The following NUP210L variants were observed in gnomAD, a reference collection of about 807,000 sequenced individuals.
NUP210L encodes nuclear pore membrane glycoprotein 210-like.
A neutral mutation model predicts 208.5 loss-of-function variants in NUP210L; 74 were observed. That is an observed-to-expected ratio of 0.35 (90% CI 0.29 to 0.43). The LOEUF is 0.43. Among genes scored for constraint, NUP210L ranks in the 20% least tolerant of loss-of-function variants. The probability of loss-of-function intolerance (pLI) is 1.00; values close to 1 mark genes in which losing one functional copy is unlikely to be tolerated. For missense variants in NUP210L, 1,843 were observed against 2,289.4 expected, an observed-to-expected ratio of 0.81 and a Z score of 3.98; for synonymous variants, 780 against 816.9, an observed-to-expected ratio of 0.95 and a Z score of 0.77.
chr1:154,131,424 T>C (rs1658248271), intron 7 of NUP210L, among the ~76,000 whole-genome samples: 1 of 152,184 alleles, frequency 6.6e-6, no homozygotes, highest in Non-Finnish European at 1.5e-5. Flanking sequence ...ATCTAAGCCT[T>C]CCATCTGCAT....
chr1:153,994,324 T>C (rs907623883), intron 38 of NUP210L, among the ~76,000 whole-genome samples: 1 of 151,222 alleles, frequency 6.6e-6, no homozygotes, highest in Non-Finnish European at 1.5e-5. Flanking sequence ...TTGAGGACCT[T>C]TTTTTTTTGA....
rs1652459556 is a variant in NUP210L, at chr1:154,035,093, G to T, written c.3697-5039C>A. Among the ~76,000 whole-genome samples, 5 of 152,178 alleles carry T rather than the reference G, an allele frequency of 3.3e-5. No homozygotes were observed. The South Asian group carries it at 1.0e-3, about 32-fold the overall frequency. ...CTGACCTTGTGATCTACCTGCCTCG[G>T]CCTCCCAAAGTGCTGGGATTACAGG... On this transcript the variant is annotated intron_variant, in intron 27 of 39. Coordinates refer to ENST00000368559, the Ensembl canonical transcript of NUP210L.
chr1:154,051,250 C>T (rs916016630), intron 25 of NUP210L, among the ~76,000 whole-genome samples: 2 of 152,038 alleles, frequency 1.3e-5, no homozygotes, highest in Non-Finnish European at 2.9e-5. Flanking sequence ...TGCTCTGTTG[C>T]CCAGGCTGGA....
intron 25 of NUP210L, among the ~76,000 whole-genome samples, chr1:154,047,519 A>G (rs1653251326): frequency 6.6e-6 from 1 of 152,244 alleles, no homozygotes. Context: ...TGGCCCACTC[A>G]GGGTGGAAAA....
At chr1:154,006,580 G>A (rs1457988004) in intron 35 of NUP210L, among the ~76,000 whole-genome samples, 1 of 150,548 alleles carries the variant, frequency 6.6e-6, no homozygotes, top group Non-Finnish European at 1.5e-5. Context: ...TGCAACCTCC[G>A]CCTCCTGGGT....
At chr1:154,092,550 GT>G (rs760240667) in intron 15 of NUP210L, among the ~76,000 whole-genome samples, 33,921 of 128,314 alleles carry the variant, frequency 0.26, 4,187 homozygotes, top group Admixed American at 0.36. Context: ...TTTGTTTTTT[GT>G]TTTTTTTTTT....
intron 13 of NUP210L, among the ~76,000 whole-genome samples, chr1:154,103,671 CAA>C (rs553564283): frequency 2.6e-5 from 1 of 37,790 alleles, no homozygotes; most frequent in Admixed American, 2.7e-4. Context: ...GACTCCGTCT[CAA>C]AAAAAAAAAA....
intron 37 of NUP210L, 54 bp downstream of exon 37, chr1:154,000,802 A>G: frequency 8.0e-6 from 12 of 1,492,102 alleles, no homozygotes; most frequent in Admixed American, 1.7e-5. Flanking sequence ...CTAATGTAAT[A>G]CATTCTTTCT....
At chr1:154,062,318 G>A (rs1654181606) in intron 17 of NUP210L, among the ~76,000 whole-genome samples, 1 of 152,142 alleles carries the variant, frequency 6.6e-6, no homozygotes, top group South Asian at 2.1e-4. Flanking sequence ...ACAAATGGAA[G>A]TGAGAAAGGG....
chr1:154,048,821 G>A (rs1653325885), intron 25 of NUP210L, among the ~76,000 whole-genome samples: 1 of 152,166 alleles, frequency 6.6e-6, no homozygotes, highest in Non-Finnish European at 1.5e-5. Flanking sequence ...GTACATACAG[G>A]AGTCCTTGAT....
chr1:154,139,501 T>A (rs1658720693), intron 5 of NUP210L, among the ~76,000 whole-genome samples: 1 of 152,046 alleles, frequency 6.6e-6, no homozygotes, highest in South Asian at 2.1e-4. Flanking sequence ...CATAAAAAAC[T>A]ATATTTTCCA....
intron 15 of NUP210L, 124 bp from the exon 16 acceptor site, chr1:154,089,718 G>T (rs1245254125): frequency 1.1e-5 from 8 of 733,256 alleles, no homozygotes; most frequent in Non-Finnish European, 1.4e-5. Context: ...TTATAATCCG[G>T]CAAATCCCTT....
chr1:154,142,612 C>G lies in NUP210L; in HGVS notation c.472+834G>C, dbSNP rs563110777. On this transcript the variant is annotated intron_variant, in intron 3 of 39. Transcript: ENST00000368559. ...TGGGTATCTAAGAAAAGTTCGGAGGCCAGTGCGGTGGCTCATGCCTGTAAT... is the reference window on the plus strand; with the variant it reads ...TGGGTATCTAAGAAAAGTTCGGAGGGCAGTGCGGTGGCTCATGCCTGTAAT... 2.1e-4 allele frequency among the ~76,000 whole-genome samples: 32 copies of G among 152,200 alleles called. No individual in the cohort carries two copies. In the South Asian group the frequency reaches 6.6e-3, roughly 32 times the overall value.
chr1:154,018,934 T>A lies in NUP210L; in HGVS notation c.4652A>T (p.Glu1551Val), dbSNP rs1651408900. 3.1e-6 allele frequency: 5 copies of A among 1,614,056 alleles called. No individual in the cohort carries two copies. In the East Asian group the frequency reaches 1.1e-4, roughly 36 times the overall value. ...AAACTCTGATACAGTTATGTTTACC[T>A]CTCGATATGTTTTCACTACTCCTGG... Residue 1551 changes from glutamate (E) to valine (V), a missense_variant and splice_region_variant, in exon 33 of 40, where the codon GAG (glutamate) becomes GTG (valine). Transcript: ENST00000368559.
chr1:154,025,257 A>T (rs981173215), intron 30 of NUP210L, among the ~76,000 whole-genome samples: 2 of 151,710 alleles, frequency 1.3e-5, no homozygotes, highest in Non-Finnish European at 2.9e-5. Flanking sequence ...CAAGGGCTCT[A>T]AAGTTCATTT....
At chr1:154,047,378 C>T (rs566786453) in intron 25 of NUP210L, among the ~76,000 whole-genome samples, 1 of 152,154 alleles carries the variant, frequency 6.6e-6, no homozygotes, top group Non-Finnish European at 1.5e-5. Flanking sequence ...GAACAGGCCC[C>T]CAAATCTGGC....
intron 12 of NUP210L, among the ~76,000 whole-genome samples, chr1:154,112,494 A>G (rs568374363): frequency 6.6e-6 from 1 of 152,290 alleles, no homozygotes; most frequent in African/African-American, 2.4e-5. Context: ...GATGTGATGG[A>G]TACTCCGTTT....
At chr1:154,120,445 G>C (rs1657558953) in intron 10 of NUP210L, among the ~76,000 whole-genome samples, 2 of 152,092 alleles carry the variant, frequency 1.3e-5, no homozygotes, top group South Asian at 4.2e-4. Flanking sequence ...CTTGGACACA[G>C]AAAGGGGAAC....
chr1:154,099,166 G>A (rs868036685), intron 14 of NUP210L, among the ~76,000 whole-genome samples: 44 of 152,232 alleles, frequency 2.9e-4, no homozygotes, highest in African/African-American at 1.1e-3. Flanking sequence ...GGATGCCTGG[G>A]TCCACAGCTG....
Sources: allele counts gnomAD v4.1 joint callset (sites outside exome capture counted in the v4.1 genomes callset), GRCh38; gene constraint gnomAD v4.1.1; transcripts MANE v1.5; gene names NCBI Gene and HGNC (gene_info 2026-07-23, HGNC 2026-07-21).